Variants in PLXDC2 observed in about 807,000 individuals in gnomAD.
PLXDC2 encodes the protein plexin domain containing 2.
PLXDC2 carries 40 observed loss-of-function variants against 68.9 expected under a neutral mutation model. That is an observed-to-expected ratio of 0.58 (90% confidence interval 0.45 to 0.76). The LOEUF is 0.76. Among genes scored for constraint, PLXDC2 ranks in the 30% least tolerant of loss-of-function variants. The pLI is 0.00. For missense variants in PLXDC2, 644 were observed against 661.9 expected, an observed-to-expected ratio of 0.97 and a Z score of 0.30; for synonymous variants, 243 against 234.2, an observed-to-expected ratio of 1.04 and a Z score of -0.34.
At chr10:19,922,921 T>G (rs1833483766) in intron 1 of PLXDC2, among the ~76,000 whole-genome samples, 1 of 152,190 alleles carries the variant, frequency 6.6e-6, no homozygotes, top group Admixed American at 6.5e-5. Context: ...GTCCAAAACC[T>G]TTGAGCCTCT....
intron 2 of PLXDC2, among the ~76,000 whole-genome samples, chr10:20,044,213 CTTTCTTTCTTTCTTTCTT>C (rs1835744353): frequency 8.6e-3 from 57 of 6,616 alleles, no homozygotes; most frequent in Middle Eastern, 0.071. Context: ...CTCTCTCTGT[CTTTCTTTCTTTCTTTCTT>C]TCTTTCTTTC....
Position 19,990,598 on chromosome 10 carries a change from A to C in PLXDC2, c.113-11177A>C, listed in dbSNP as rs549682591. 1.6e-4 allele frequency among the ~76,000 whole-genome samples: 25 copies of C among 152,288 alleles called. No individual in the cohort carries two copies. In the South Asian group the frequency reaches 2.5e-3, roughly 15 times the overall value. On this transcript the variant is annotated intron_variant, in intron 1 of 13. Transcript: ENST00000377252. ...ATCTCATTTTAGTGCTTAATTCTTAACTGGTTGTTTGTATGTTTAAGGAAT... is the reference window on the plus strand; with the variant it reads ...ATCTCATTTTAGTGCTTAATTCTTACCTGGTTGTTTGTATGTTTAAGGAAT...
At chr10:20,138,602 G>A (rs1340207756) in intron 4 of PLXDC2, among the ~76,000 whole-genome samples, 2 of 152,150 alleles carry the variant, frequency 1.3e-5, no homozygotes, top group Non-Finnish European at 2.9e-5. Context: ...TAAAGTTAGT[G>A]CAAGAATACA....
chr10:19,848,707 C>T (rs1837059985), intron 1 of PLXDC2, among the ~76,000 whole-genome samples: 2 of 152,126 alleles, frequency 1.3e-5, no homozygotes, highest in Admixed American at 1.3e-4. Context: ...ACGAAGTACC[C>T]ACTAGGATTT....
chr10:20,245,329 T>G lies in PLXDC2; in HGVS notation c.1313-16T>G. ...GTAAACTCATGAAGGTCCTGACAGC[T>G]GGGATGTTCTTTCAGCTTCTACAGA... On this transcript the variant is annotated splice_polypyrimidine_tract_variant and intron_variant, in intron 12 of 13. Coordinates refer to ENST00000377252, the MANE Select transcript of PLXDC2 (RefSeq NM_032812.9). 1 of 1,603,096 alleles carries G rather than the reference T, an allele frequency of 6.2e-7. No homozygotes were observed. The highest frequency in any genetic ancestry group is 8.5e-7 in the Non-Finnish European group (1 of 1,175,512).
intron 7 of PLXDC2, among the ~76,000 whole-genome samples, chr10:20,169,389 G>A (rs963043541): frequency 1.1e-4 from 17 of 152,150 alleles, no homozygotes; most frequent in Admixed American, 1.3e-4. Flanking sequence ...TTACCAGAAA[G>A]TTTTAACACC....
intron 5 of PLXDC2, among the ~76,000 whole-genome samples, chr10:20,147,055 T>A (rs1834090291): frequency 6.6e-6 from 1 of 152,120 alleles, no homozygotes; most frequent in Non-Finnish European, 1.5e-5. Flanking sequence ...AAAACAAAAA[T>A]TTGAATTCTC....
At chr10:20,150,031 C>T (rs1027855287) in intron 6 of PLXDC2, among the ~76,000 whole-genome samples, 1 of 152,094 alleles carries the variant, frequency 6.6e-6, no homozygotes, top group Non-Finnish European at 1.5e-5. Context: ...AACATCCTCC[C>T]CCATCATCGA....
chr10:20,260,379 G>A (rs1448887055), intron 13 of PLXDC2, among the ~76,000 whole-genome samples: 1 of 152,046 alleles, frequency 6.6e-6, no homozygotes, highest in Non-Finnish European at 1.5e-5. Flanking sequence ...CTCTGCCCCT[G>A]GTAACCACTC....
chr10:20,179,259 T>C (rs1359163119), intron 9 of PLXDC2, among the ~76,000 whole-genome samples: 1 of 152,130 alleles, frequency 6.6e-6, no homozygotes, highest in Non-Finnish European at 1.5e-5. Flanking sequence ...TAGCATTTTG[T>C]GTAGGGCTTG....
At chr10:19,903,679 T>C (rs1343982374) in intron 1 of PLXDC2, among the ~76,000 whole-genome samples, 1 of 146,898 alleles carries the variant, frequency 6.8e-6, no homozygotes, top group East Asian at 2.0e-4. Flanking sequence ...CACTTTCATT[T>C]AGTTCTGCTC....
chr10:20,226,839 A>G (rs777731988), intron 12 of PLXDC2, among the ~76,000 whole-genome samples: 12 of 151,902 alleles, frequency 7.9e-5, no homozygotes, highest in Non-Finnish European at 1.3e-4. Flanking sequence ...CTCCTGTCTC[A>G]TTTTCTACCT....
At chr10:20,121,491 T>C (rs995645447) in intron 4 of PLXDC2, among the ~76,000 whole-genome samples, 5 of 152,126 alleles carry the variant, frequency 3.3e-5, no homozygotes, top group African/African-American at 1.2e-4. Context: ...AGGATGAAAT[T>C]TGGGCTTGAC....
chr10:19,886,717 G>T (rs1346668503), intron 1 of PLXDC2, among the ~76,000 whole-genome samples: 1 of 152,182 alleles, frequency 6.6e-6, no homozygotes, highest in Non-Finnish European at 1.5e-5. Flanking sequence ...ACTGGCACAA[G>T]ACAGGGATGC....
chr10:19,869,939 A>G (rs1326239), intron 1 of PLXDC2, among the ~76,000 whole-genome samples: 12,853 of 152,304 alleles, frequency 0.084, 627 homozygotes, highest in Middle Eastern at 0.18. Flanking sequence ...ATAAGTCATT[A>G]TGAGCTTATC....
chr10:20,233,248 G>A (rs996070192), intron 12 of PLXDC2, among the ~76,000 whole-genome samples: 6 of 151,878 alleles, frequency 4.0e-5, no homozygotes, highest in South Asian at 2.1e-4. Flanking sequence ...TTTGCTGGCC[G>A]GGCACGGTGG....
At chr10:19,968,813 A>AT (rs1834305947) in intron 1 of PLXDC2, among the ~76,000 whole-genome samples, 1 of 152,310 alleles carries the variant, frequency 6.6e-6, no homozygotes, top group East Asian at 1.9e-4. Flanking sequence ...AAAACTATTG[A>AT]TTAAGTACCA....
chr10:19,942,290 A>G (rs1833832807), intron 1 of PLXDC2, among the ~76,000 whole-genome samples: 1 of 152,210 alleles, frequency 6.6e-6, no homozygotes, highest in Non-Finnish European at 1.5e-5. Flanking sequence ...AATCCCTTCT[A>G]CTATACTAAA....
At chr10:19,877,378 T>C (rs1837651248) in intron 1 of PLXDC2, among the ~76,000 whole-genome samples, 1 of 152,226 alleles carries the variant, frequency 6.6e-6, no homozygotes. Context: ...TTCGCCCCCA[T>C]AACTCAGTCT....
Sources: allele counts gnomAD v4.1 joint callset (sites outside exome capture counted in the v4.1 genomes callset), GRCh38; gene constraint gnomAD v4.1.1; transcripts MANE v1.5; gene names NCBI Gene and HGNC (gene_info 2026-07-23, HGNC 2026-07-21).